Variants in CRYBG1 observed in about 807,000 individuals in gnomAD.
CRYBG1 encodes crystallin beta-gamma domain containing 1, also known as beta/gamma crystallin domain-containing protein 1.
In CRYBG1, 139 loss-of-function variants were observed where a neutral mutation model predicts 189.2. The observed-to-expected ratio is 0.73, with a 90% CI of 0.64 to 0.85. The LOEUF (loss-of-function observed/expected upper bound fraction) is 0.85, where lower values mean the gene tolerates loss of function less well. CRYBG1 is among the 40% of genes least tolerant of loss of function. The pLI, the probability that CRYBG1 is intolerant of heterozygous loss-of-function variation, is 0.00. For missense variants in CRYBG1, 2,611 were observed against 2,675.8 expected, an observed-to-expected ratio of 0.98 and a Z score of 0.53; for synonymous variants, 1,023 against 1,017.1, an observed-to-expected ratio of 1.01 and a Z score of -0.11.
chr6:106,506,249 A>T (rs998766240), intron 2 of CRYBG1, among the ~76,000 whole-genome samples: 2 of 152,214 alleles, frequency 1.3e-5, no homozygotes, highest in Non-Finnish European at 2.9e-5. Flanking sequence ...ATTCTTTAGT[A>T]GCAGCAAATA....
In CRYBG1 at chr6:106,530,177, A is replaced by T. The variant is rs1357260420; in HGVS notation, c.4580A>T (p.Asp1527Val). 6.2e-7 allele frequency: 1 copy of T among 1,609,020 alleles called. No individual in the cohort carries two copies. The highest frequency in any genetic ancestry group is 8.5e-7 in the Non-Finnish European group (1 of 1,177,606). The change falls in exon 8 of 22, where the codon GAT becomes GTT. Residue 1527 changes from aspartate to valine, a missense_variant and splice_region_variant. Transcript: ENST00000633556. Reference sequence around the variant, plus strand: ...ATCTATGCATCTATATTTTTTCAGGATTACAGAGTTAGTCACATTGACTTA... The same window carrying T: ...ATCTATGCATCTATATTTTTTCAGGTTTACAGAGTTAGTCACATTGACTTA... ...VIGSIRHVVQ[D>V]YRVSHIDLFT...
chr6:106,568,832 C>A lies in CRYBG1; in HGVS notation c.*266C>A. 2.8e-6 allele frequency: 1 copy of A among 353,502 alleles called. No homozygotes were observed. Among genetic ancestry groups the A allele is most frequent in the Non-Finnish European group, 5.2e-6 (1 of 192,794 alleles). The allele number at this position is 353,502 out of a possible 1,614,324, so 21.9% of individuals were successfully genotyped here. ...CTTAAACAGGTTGCCTAATTAGCAGCTTTTGGGTGATTTTGTAAAATGTTA... is the reference window on the plus strand; with the variant it reads ...CTTAAACAGGTTGCCTAATTAGCAGATTTTGGGTGATTTTGTAAAATGTTA... On this transcript the variant is annotated 3_prime_UTR_variant, in exon 22 of 22. Coordinates refer to ENST00000633556, the MANE Select transcript of CRYBG1 (RefSeq NM_001371242.2).
At chr6:106,423,694 C>CTTTTTTTT (rs1350862841) in intron 1 of CRYBG1, among the ~76,000 whole-genome samples, 4 of 101,246 alleles carry the variant, frequency 4.0e-5, no homozygotes, top group African/African-American at 8.5e-5. Flanking sequence ...TTCTCCCTCC[C>CTTTTTTTT]CTTTTTTTTT....
chr6:106,544,905 A>G lies in CRYBG1; in HGVS notation c.5284A>G (p.Thr1762Ala), dbSNP rs1774230926. 1 of 1,612,754 alleles carries G rather than the reference A, an allele frequency of 6.2e-7. No homozygotes were observed. The highest frequency in any genetic ancestry group is 2.2e-5 in the East Asian group (1 of 44,842). Residue 1762 changes from threonine (T) to alanine (A), a missense_variant, in exon 13 of 22, where the codon ACA becomes GCA. Thr to Ala is a moderately conservative substitution (Grantham distance 58). Coordinates refer to ENST00000633556, the MANE Select transcript of CRYBG1 (RefSeq NM_001371242.2). Reference sequence around the variant, plus strand: ...AAAGGAGACTGGATATGGAGTGAAGACACAGTCTATTAATGTACTGAGTGG... The same window carrying G: ...AAAGGAGACTGGATATGGAGTGAAGGCACAGTCTATTAATGTACTGAGTGG... ...NLKETGYGVK[T>A]QSINVLSGVW...
At chr6:106,508,492 A>G (rs566442985) in intron 2 of CRYBG1, among the ~76,000 whole-genome samples, 1 of 152,052 alleles carries the variant, frequency 6.6e-6, no homozygotes, top group Non-Finnish European at 1.5e-5. Flanking sequence ...CTTACCACCC[A>G]CTGACCCCAC....
chr6:106,514,785 A>G (rs1773380633), intron 3 of CRYBG1, among the ~76,000 whole-genome samples: 1 of 152,242 alleles, frequency 6.6e-6, no homozygotes, highest in Non-Finnish European at 1.5e-5. Flanking sequence ...GTTCTCTGTA[A>G]TAGAACTAAA....
At chr6:106,497,547 T>C (rs1772880326) in intron 2 of CRYBG1, among the ~76,000 whole-genome samples, 1 of 152,214 alleles carries the variant, frequency 6.6e-6, no homozygotes, top group Non-Finnish European at 1.5e-5. Flanking sequence ...TCATCCCTGT[T>C]CATGTTTACG....
At position 106,511,684 on chromosome 6, in the gene CRYBG1, T is replaced by A; in HGVS notation, c.567T>A (p.Asn189Lys). Reference protein sequence around the residue: ...DTSEEGSPRENPREAEGELPE... With the variant: ...DTSEEGSPREKPREAEGELPE... ...GCGAGGAGGGCTCCCCGCGGGAGAA[T>A]CCCCGAGAGGCAGAGGGCGAGCTCC... The change falls in exon 3 of 22, where the codon AAT (asparagine) becomes AAA (lysine). Residue 189 changes from asparagine to lysine, a missense_variant. By Grantham distance (94) the Asn-to-Lys change is moderately conservative. This residue lies in a region of CRYBG1 where 985 missense variants were observed against 924.4 expected (regional missense o/e 1.07). Coordinates refer to ENST00000633556, the MANE Select transcript of CRYBG1 (RefSeq NM_001371242.2). 2.0e-6 allele frequency: 3 copies of A among 1,534,134 alleles called. No homozygotes were observed. The highest frequency in any genetic ancestry group is 2.6e-6 in the Non-Finnish European group (3 of 1,146,224).
At chr6:106,561,735 G>A (rs1221721419) in intron 20 of CRYBG1, among the ~76,000 whole-genome samples, 1 of 152,110 alleles carries the variant, frequency 6.6e-6, no homozygotes, top group Non-Finnish European at 1.5e-5. Context: ...TTATTTCTAT[G>A]CTTGATTTTT....
chr6:106,400,780 T>C (rs1239539287), intron 1 of CRYBG1, among the ~76,000 whole-genome samples: 1 of 152,158 alleles, frequency 6.6e-6, no homozygotes, highest in African/African-American at 2.4e-5. Context: ...GCACCTACAG[T>C]GTCAATGGGG....
At chr6:106,432,347 A>G (rs1771341359) in intron 1 of CRYBG1, among the ~76,000 whole-genome samples, 1 of 152,228 alleles carries the variant, frequency 6.6e-6, no homozygotes, top group Non-Finnish European at 1.5e-5. Flanking sequence ...CAATAAGATT[A>G]TATAGTTTGA....
intron 7 of CRYBG1, among the ~76,000 whole-genome samples, chr6:106,528,262 G>A (rs1388510670): frequency 6.6e-6 from 1 of 152,190 alleles, no homozygotes; most frequent in African/African-American, 2.4e-5. Context: ...TCTTTTATTT[G>A]TTTTAAGTAT....
chr6:106,511,446 C>T lies in CRYBG1; in HGVS notation c.329C>T (p.Pro110Leu). The change falls in exon 3 of 22, where the codon CCA becomes CTA. Residue 110 changes from proline (P) to leucine (L), a missense_variant. Pro to Leu is a moderately conservative substitution (Grantham distance 98). Transcript: ENST00000633556. ...GIFKKSRAQP[P>L]EDNRRKPVLG... ...ATTTTTCAGTCCAGAGCACAACCTC[C>T]AGAAGACAACAGAAGGAAGCCAGTT... 1 of 1,535,686 alleles carries T rather than the reference C, an allele frequency of 6.5e-7. No homozygotes were observed. The highest frequency in any genetic ancestry group is 1.2e-5 in the South Asian group (1 of 84,040).
intron 1 of CRYBG1, among the ~76,000 whole-genome samples, chr6:106,418,187 C>T (rs1246570464): frequency 6.6e-6 from 1 of 152,208 alleles, no homozygotes; most frequent in South Asian, 2.1e-4. Flanking sequence ...CAGGAAAGTC[C>T]CCCCAATGTG....
In CRYBG1 at chr6:106,527,456, A is replaced by T. The variant is rs200800238; in HGVS notation, c.4564A>T (p.Arg1522Ter). The change falls in exon 7 of 22, where the codon AGA becomes TGA. Residue 1522 changes from arginine to a stop codon, truncating the protein, a stop_gained. Transcript: ENST00000633556. LOFTEE classifies it high-confidence loss of function. ...SDKPVVIGSI[R>*]HVVQDYRVSH... ...TAAGCCAGTGGTGATTGGTTCCATC[A>T]GACATGTGGTTCAGGTAGGTTGTGG... is the stretch of plus-strand genomic sequence containing the variant. The T allele has an allele frequency of 2.5e-6, 4 of 1,611,080 alleles. No individual in the cohort carries two copies. Among genetic ancestry groups the T allele is most frequent in the Non-Finnish European group, 3.4e-6 (4 of 1,178,440 alleles).
chr6:106,391,915 CTGT>C (rs1472209808), intron 1 of CRYBG1, among the ~76,000 whole-genome samples: 1 of 150,344 alleles, frequency 6.7e-6, no homozygotes, highest in East Asian at 2.0e-4. Context: ...TTCCAAAAGC[CTGT>C]TGTTTAAAAC....
At chr6:106,545,687 C>CT (rs11436461) in intron 13 of CRYBG1, among the ~76,000 whole-genome samples, 97,838 of 150,526 alleles carry the variant, frequency 0.65, 34,308 homozygotes, top group Non-Finnish European at 0.79. Context: ...TCTCCTAACT[C>CT]TTTTTTTTTG....
intron 6 of CRYBG1, among the ~76,000 whole-genome samples, chr6:106,526,295 AT>A (rs1363792323): frequency 6.6e-6 from 1 of 152,152 alleles, no homozygotes; most frequent in Non-Finnish European, 1.5e-5. Flanking sequence ...GAAAAACAAG[AT>A]TTGCTTTTAT....
At chr6:106,405,197 G>T (rs1214842715) in intron 1 of CRYBG1, among the ~76,000 whole-genome samples, 1 of 152,208 alleles carries the variant, frequency 6.6e-6, no homozygotes, top group African/African-American at 2.4e-5. Flanking sequence ...GCTTGGTGGG[G>T]GTAGGGGCGT....
Sources: allele counts gnomAD v4.1 joint callset (sites outside exome capture counted in the v4.1 genomes callset), GRCh38; gene constraint gnomAD v4.1.1; regional missense constraint gnomAD v4.1.1; transcripts MANE v1.5; gene names NCBI Gene and HGNC (gene_info 2026-07-23, HGNC 2026-07-21).